UBR1: variants seen among roughly 807,000 people sequenced by gnomAD.
UBR1 encodes E3 ubiquitin-protein ligase UBR1.
In UBR1, 102 loss-of-function variants were observed where a neutral mutation model predicts 242.1. The ratio of observed to expected loss-of-function variants is 0.42; its 90% CI spans 0.36 to 0.50. The LOEUF (loss-of-function observed/expected upper bound fraction) is 0.50. Among genes scored for constraint, UBR1 ranks in the 20% least tolerant of loss-of-function variants. The pLI, the probability that UBR1 is intolerant of heterozygous loss-of-function variation, is 0.01. For missense variants in UBR1, 1,772 were observed against 2,101.8 expected (o/e 0.84, Z 3.07); for synonymous variants, 675 against 684.8 (o/e 0.99, Z 0.22).
At chr15:43,008,714 C>T (rs1198472624) in intron 29 of UBR1, among the ~76,000 whole-genome samples, 1 of 152,228 alleles carries the variant, frequency 6.6e-6, no homozygotes, top group Non-Finnish European at 1.5e-5. Flanking sequence ...TGTCCATGAA[C>T]CAGTCAGCAC....
intron 23 of UBR1, 172 bp downstream of exon 23, chr15:43,026,389 T>C: frequency 3.4e-6 from 2 of 585,508 alleles, no homozygotes; most frequent in South Asian, 2.0e-5. Context: ...AAAATCTGAA[T>C]ATTGCCTGTA....
intron 1 of UBR1, among the ~76,000 whole-genome samples, chr15:43,104,662 C>G (rs1046585292): frequency 2.4e-4 from 36 of 151,868 alleles, no homozygotes; most frequent in African/African-American, 8.2e-4. Context: ...GTAGTTCCCT[C>G]TGTTCTCGCA....
In UBR1 at chr15:43,044,078, A is replaced by C. The variant is rs138794882; in HGVS notation, c.1669-683T>G. On this transcript the variant is annotated intron_variant, in intron 14 of 46. Transcript: ENST00000290650. ...CAGAGATATAAAATAAATAAAGACA[A>C]AAATAAGAGAAATACAACTCCTATT... Among the ~76,000 whole-genome samples the C allele has an allele frequency of 3.5e-3, 526 of 152,348 alleles. 2 individuals are homozygous for C. Among genetic ancestry groups the C allele is most frequent in the African/African-American group, 0.012 (501 of 41,590 alleles).
intron 22 of UBR1, among the ~76,000 whole-genome samples, 187 bp from the exon 23 acceptor site, chr15:43,026,850 A>G (rs1264341159): frequency 6.6e-6 from 1 of 152,178 alleles, no homozygotes; most frequent in Non-Finnish European, 1.5e-5. Flanking sequence ...AAGCCTGATA[A>G]CAGCTAAGCT....
intron 45 of UBR1, 27 bp from the exon 46 acceptor site, chr15:42,950,390 TGGTTAAG>T: frequency 6.2e-7 from 1 of 1,601,914 alleles, no homozygotes; most frequent in Non-Finnish European, 8.6e-7. Context: ...ATAGGAAATA[TGGTTAAG>T]TGTATGTGTG....
chr15:43,086,297 AG>A lies in UBR1; in HGVS notation c.82-58del. 8.8e-6 allele frequency: 14 copies of A among 1,583,746 alleles called. No homozygotes were observed. The South Asian group carries it at 1.6e-4, about 18-fold the overall frequency. On this transcript the variant is annotated intron_variant, in intron 1 of 46. Transcript: ENST00000290650. ...CTTACAAGTTCCTTCTTAATCATCT[AG>A]GGGCACAAATAATGACATAATTCTA...
chr15:43,004,146 T>C (rs1180317606), intron 30 of UBR1, among the ~76,000 whole-genome samples: 1 of 152,252 alleles, frequency 6.6e-6, no homozygotes, highest in Admixed American at 6.5e-5. Flanking sequence ...TTAATAACTC[T>C]ATCTTTGATT....
Position 43,074,972 on chromosome 15 carries a change from T to A in UBR1, c.528+7A>T. ...GTTAACAATTTTTAACAAAATAGCA[T>A]TCTTACCTCTTTTATAGTACCTGCT... On this transcript the variant is annotated splice_region_variant and intron_variant, in intron 4 of 46. Coordinates refer to ENST00000290650, the MANE Select transcript of UBR1 (RefSeq NM_174916.3). 6.2e-7 allele frequency: 1 copy of A among 1,600,244 alleles called. No homozygotes were observed. Among genetic ancestry groups the A allele is most frequent in the Middle Eastern group, 1.7e-4 (1 of 6,026 alleles).
intron 46 of UBR1, among the ~76,000 whole-genome samples, chr15:42,947,507 G>A (rs951946359): frequency 7.9e-5 from 12 of 152,190 alleles, no homozygotes; most frequent in African/African-American, 2.9e-4. Context: ...CCTGTTTGCA[G>A]ATGACATGAT....
At chr15:43,099,111 T>C (rs949711664) in intron 1 of UBR1, among the ~76,000 whole-genome samples, 17 of 151,620 alleles carry the variant, frequency 1.1e-4, no homozygotes, top group Admixed American at 4.6e-4. Context: ...CTGAGGCGGG[T>C]GGATCACCTG....
chr15:43,069,530 C>T (rs938960460), intron 5 of UBR1, among the ~76,000 whole-genome samples: 1 of 152,214 alleles, frequency 6.6e-6, no homozygotes, highest in Non-Finnish European at 1.5e-5. Context: ...CCACCTCGGC[C>T]TCCCAAAGTG....
chr15:43,103,389 C>T (rs2034261272), intron 1 of UBR1, among the ~76,000 whole-genome samples: 1 of 152,046 alleles, frequency 6.6e-6, no homozygotes, highest in Admixed American at 6.6e-5. Context: ...TTATCCATTC[C>T]CACAACCTCA....
At chr15:43,059,326 C>T (rs911022172) in intron 8 of UBR1, 134 bp from the exon 9 acceptor site, 4 of 764,828 alleles carry the variant, frequency 5.2e-6, no homozygotes, top group Non-Finnish European at 9.1e-6. Context: ...CAGCCTCTCA[C>T]AGTGCTGGCA....
Position 42,967,352 on chromosome 15 carries a change from C to T in UBR1, c.4458-1066G>A, listed in dbSNP as rs187292621. 4.6e-5 allele frequency among the ~76,000 whole-genome samples: 7 copies of T among 150,728 alleles called. No individual in the cohort carries two copies. In the East Asian group the frequency reaches 9.7e-4, roughly 21 times the overall value. ...TGCTGGGATTATAGGTATGAGCCAC[C>T]GTGACTGGCCTAAAATAAAGTATAT... On this transcript the variant is annotated intron_variant, in intron 40 of 46. Transcript: ENST00000290650.
chr15:43,068,043 GA>G lies in UBR1; in HGVS notation c.660-8del, dbSNP rs536295773. The G allele has an allele frequency of 8.3e-6, 10 of 1,206,482 alleles. No homozygotes were observed. The African/African-American group carries it at 9.5e-5, about 11-fold the overall frequency. 74.7% of individuals were successfully genotyped at this position (1,206,482 alleles called of 1,614,324 possible). On this transcript the variant is annotated splice_polypyrimidine_tract_variant and splice_region_variant and intron_variant, in intron 5 of 46. Coordinates refer to ENST00000290650, the MANE Select transcript of UBR1 (RefSeq NM_174916.3). ...GTATCTTTCATTTTTCTCCCTGTTA[GA>G]AAAAAAACATATATATTTGGATACT...
In UBR1 at chr15:43,058,423, C is replaced by T. The variant is rs985079300; in HGVS notation, c.1100G>A (p.Arg367His). The change falls in exon 10 of 47, where the codon CGT becomes CAT. Residue 367 changes from arginine (R) to histidine (H), a missense_variant. Coordinates refer to ENST00000290650, the MANE Select transcript of UBR1 (RefSeq NM_174916.3). ...GAAGATCAATTCATGAAGGATCTTA[C>T]GGGCACCTATAGATTATTTTGGGGA... ...LWDAKLYKGA[R>H]KILHELIFSS... 1.1e-5 allele frequency: 18 copies of T among 1,610,056 alleles called. No individual in the cohort carries two copies. Among genetic ancestry groups the T allele is most frequent in the African/African-American group, 1.3e-5 (1 of 74,794 alleles).
chr15:42,948,083 A>G (rs887519569), intron 46 of UBR1, among the ~76,000 whole-genome samples: 2 of 152,248 alleles, frequency 1.3e-5, no homozygotes, highest in African/African-American at 4.8e-5. Context: ...GTACCAAAAC[A>G]GAGATATAGA....
intron 40 of UBR1, among the ~76,000 whole-genome samples, chr15:42,966,617 G>A (rs1216527988): frequency 6.6e-6 from 1 of 151,478 alleles, no homozygotes; most frequent in Non-Finnish European, 1.5e-5. Flanking sequence ...GGTGGAGGCT[G>A]CAGTGAGCTG....
At chr15:42,979,161 G>A (rs1201950131) in intron 37 of UBR1, among the ~76,000 whole-genome samples, 1 of 151,714 alleles carries the variant, frequency 6.6e-6, no homozygotes, top group Admixed American at 6.6e-5. Context: ...CCAAAATGCT[G>A]GGATTACAGG....
Sources: allele counts gnomAD v4.1 joint callset (sites outside exome capture counted in the v4.1 genomes callset), GRCh38; gene constraint gnomAD v4.1.1; transcripts MANE v1.5; gene names NCBI Gene and HGNC (gene_info 2026-07-23, HGNC 2026-07-21).